Variants in KDM1A observed in about 807,000 individuals in gnomAD.
The protein encoded by KDM1A is lysine demethylase 1A.
A neutral mutation model predicts 109.4 loss-of-function variants in KDM1A; 49 were observed. That is an observed-to-expected ratio of 0.45 (90% CI 0.36 to 0.57). KDM1A has a LOEUF of 0.57. KDM1A is among the 20% of genes least tolerant of loss of function. The pLI is 0.00. For missense variants in KDM1A, 668 were observed against 1,116.6 expected, an observed-to-expected ratio of 0.60 and a Z score of 5.73; for synonymous variants, 380 against 415.4, an observed-to-expected ratio of 0.91 and a Z score of 1.04.
chr1:23,019,665 T>C lies in KDM1A; in HGVS notation c.69T>C (p.Ala23=). ...CAGCGGCAGCAACCGGGACGGAGGC[T>C]GGCCCTGGGACAGCAGGCGGCTCCG... ...AAAAAATGTE[A]GPGTAGGSEN... Residue 23 remains alanine (A), a synonymous_variant, in exon 1 of 21, where the codon GCT becomes GCC. Coordinates refer to ENST00000400181, the MANE Select transcript of KDM1A (RefSeq NM_001009999.3). 1 of 1,393,606 alleles carries C rather than the reference T, an allele frequency of 7.2e-7. No individual in the cohort carries two copies. Among genetic ancestry groups the C allele is most frequent in the Admixed American group, 3.4e-5 (1 of 29,534 alleles). The allele number at this position is 1,393,606 out of a possible 1,614,324, so 86.3% of individuals were successfully genotyped here.
Position 23,083,640 on chromosome 1 carries a change from G to GT in KDM1A, c.*276_*277insT, listed in dbSNP as rs1557609369. On this transcript the variant is annotated 3_prime_UTR_variant, in exon 21 of 21. Coordinates refer to ENST00000400181, the MANE Select transcript of KDM1A (RefSeq NM_001009999.3). ...ATCATCTTAGTCCCTTGGTGTGTGG[G>GT]GTTTTTGTTTTTTTTTTATATTTTG... The GT allele has an allele frequency of 1.7e-4, 48 of 283,066 alleles. No individual in the cohort carries two copies. Among genetic ancestry groups the GT allele is most frequent in the African/African-American group, 9.9e-4 (45 of 45,310 alleles). The allele number at this position is 283,066 out of a possible 1,614,324, so 17.5% of individuals were successfully genotyped here.
intron 16 of KDM1A, 68 bp downstream of exon 16, chr1:23,077,428 C>A: frequency 5.4e-6 from 8 of 1,491,544 alleles, no homozygotes; most frequent in South Asian, 1.3e-5. Flanking sequence ...TTGTTAGGTG[C>A]GACCTATCAG....
chr1:23,051,752 A>G (rs967382059), intron 4 of KDM1A, among the ~76,000 whole-genome samples: 2 of 152,256 alleles, frequency 1.3e-5, no homozygotes, highest in Non-Finnish European at 2.9e-5. Context: ...TAACTTGAAT[A>G]TGAATATAGC....
chr1:23,072,599 T>A (rs560975276), intron 14 of KDM1A, among the ~76,000 whole-genome samples: 1 of 152,336 alleles, frequency 6.6e-6, no homozygotes, highest in African/African-American at 2.4e-5. Flanking sequence ...TTCACTTGCA[T>A]CCAGCCTCCA....
At chr1:23,058,474 A>T (rs535200026) in intron 8 of KDM1A, among the ~76,000 whole-genome samples, 1 of 152,292 alleles carries the variant, frequency 6.6e-6, no homozygotes, top group East Asian at 1.9e-4. Context: ...TTAGAAATCT[A>T]AAGAGATAGG....
In KDM1A at chr1:23,077,210, C is replaced by G. The variant is rs771293662; in HGVS notation, c.1735-18C>G. On this transcript the variant is annotated intron_variant, in intron 15 of 20. Transcript: ENST00000400181. ...ATTAATAAAAGGTTGGAAATATGTT[C>G]TTTTCTCTCCTCTTTAGGATGATGA... 2.5e-6 allele frequency: 4 copies of G among 1,606,892 alleles called. No homozygotes were observed. Among genetic ancestry groups the G allele is most frequent in the Non-Finnish European group, 3.4e-6 (4 of 1,175,372 alleles).
chr1:23,033,346 ACT>A (rs1412151046), intron 2 of KDM1A, among the ~76,000 whole-genome samples: 2 of 151,746 alleles, frequency 1.3e-5, no homozygotes, highest in Non-Finnish European at 2.9e-5. Flanking sequence ...ACATAGTGAA[ACT>A]CTGTCTCTAC....
intron 6 of KDM1A, 91 bp from the exon 7 acceptor site, chr1:23,055,840 TG>T: frequency 1.6e-6 from 1 of 638,626 alleles, no homozygotes; most frequent in Admixed American, 2.8e-5. Context: ...TAAGCTATTA[TG>T]TTAAGAACCT....
intron 1 of KDM1A, 91 bp downstream of exon 1, chr1:23,020,038 G>T (rs1382133323): frequency 3.0e-6 from 4 of 1,320,526 alleles, no homozygotes; most frequent in Non-Finnish European, 3.9e-6. Flanking sequence ...CGGGTCTTGG[G>T]CCCTGCGACC....
At chr1:23,063,243 T>C (rs1221101116) in intron 9 of KDM1A, among the ~76,000 whole-genome samples, 3 of 129,662 alleles carry the variant, frequency 2.3e-5, no homozygotes, top group African/African-American at 5.8e-5. Flanking sequence ...TGTGTGTGTG[T>C]GTGTGTGTGT....
chr1:23,072,012 T>G (rs893411476), intron 13 of KDM1A, 112 bp from the exon 14 acceptor site: 1 of 690,984 alleles, frequency 1.4e-6, no homozygotes, highest in Non-Finnish European at 2.5e-6. Context: ...CCACACTTCC[T>G]GTACATGATC....
intron 2 of KDM1A, among the ~76,000 whole-genome samples, chr1:23,032,691 G>A (rs746881386): frequency 3.3e-5 from 5 of 152,112 alleles, no homozygotes; most frequent in Non-Finnish European, 7.4e-5. Context: ...AGAAAAAAGT[G>A]TCAACTTACT....
At position 23,050,461 on chromosome 1, in the gene KDM1A, G is replaced by C. The variant is rs752000598; in HGVS notation, c.652G>C (p.Asp218His). The part of the protein sequence containing the change: ...MTSQEAACFP[D>H]IISGPQQTQK... ...TTCTCAAGAAGCAGCCTGTTTTCCAGATATTATCAGTGGACCACAACAGAC... is the reference window on the plus strand; with the variant it reads ...TTCTCAAGAAGCAGCCTGTTTTCCACATATTATCAGTGGACCACAACAGAC... Residue 218 changes from aspartate to histidine, a missense_variant, in exon 4 of 21, where the codon GAT becomes CAT. Physicochemically the swap from Asp to His is moderately conservative, Grantham distance 81. This residue lies in a region of KDM1A where 149 missense variants were observed against 189.7 expected (regional missense o/e 0.79). Coordinates refer to ENST00000400181, the MANE Select transcript of KDM1A (RefSeq NM_001009999.3). The C allele has an allele frequency of 2.5e-6, 4 of 1,613,410 alleles. No individual in the cohort carries two copies. Among genetic ancestry groups the C allele is most frequent in the South Asian group, 2.2e-5 (2 of 91,010 alleles).
intron 15 of KDM1A, among the ~76,000 whole-genome samples, chr1:23,076,421 T>C (rs900337483): frequency 6.6e-6 from 1 of 152,154 alleles, no homozygotes; most frequent in Non-Finnish European, 1.5e-5. Context: ...ACTGACTTAG[T>C]TTTGGAAATC....
chr1:23,076,021 T>TTA (rs1313456121), intron 15 of KDM1A, among the ~76,000 whole-genome samples: 1 of 152,230 alleles, frequency 6.6e-6, no homozygotes, highest in Non-Finnish European at 1.5e-5. Context: ...GAGTTGGACT[T>TTA]GTTAGAGATA....
chr1:23,072,269 T>C (rs1220186654), intron 14 of KDM1A, 72 bp downstream of exon 14: 15 of 1,078,380 alleles, frequency 1.4e-5, no homozygotes, highest in Non-Finnish European at 7.0e-6. Context: ...GGAAGGAAAA[T>C]TCTAAATCAT....
rs1388590330 is a variant in KDM1A at position 23,033,381 on chromosome 1, G to A, written c.517+2747G>A. Reference sequence around the variant, plus strand: ...TACTAAAAATAGAAAAATTAGCCAGGTGTAGTGGCACGTGCCTGTAATCCC... The same window carrying A: ...TACTAAAAATAGAAAAATTAGCCAGATGTAGTGGCACGTGCCTGTAATCCC... On this transcript the variant is annotated intron_variant, in intron 2 of 20. Coordinates refer to ENST00000400181, the MANE Select transcript of KDM1A (RefSeq NM_001009999.3). 2.0e-5 allele frequency among the ~76,000 whole-genome samples: 3 copies of A among 152,076 alleles called. No homozygotes were observed. The East Asian group carries it at 5.8e-4, about 29-fold the overall frequency.
intron 9 of KDM1A, among the ~76,000 whole-genome samples, chr1:23,063,214 T>C: frequency 4.9e-5 from 1 of 20,454 alleles, no homozygotes; most frequent in Admixed American, 4.0e-4. Context: ...GGGTGTGGTG[T>C]GGGGTGGGTG....
intron 10 of KDM1A, 38 bp downstream of exon 10, chr1:23,066,109 T>G (rs770804238): frequency 2.3e-5 from 31 of 1,376,902 alleles, no homozygotes; most frequent in Non-Finnish European, 3.1e-5. Flanking sequence ...TTTTCCTCAC[T>G]GTTTACAATA....
Sources: gnomAD v4.1 joint callset for allele counts (sites outside exome capture counted in the v4.1 genomes callset) on GRCh38, gnomAD v4.1.1 for gene constraint, gnomAD v4.1.1 regional missense constraint, MANE v1.5 for transcripts, NCBI Gene and HGNC (gene_info 2026-07-23, HGNC 2026-07-21) for gene names.